The following STK24 variants were observed in gnomAD, a reference collection of about 807,000 sequenced individuals.
STK24 encodes serine/threonine-protein kinase 24.
Under a neutral mutation model 55.6 loss-of-function variants are expected in STK24, and 21 were observed. The ratio of observed to expected loss-of-function variants is 0.38; its 90% CI spans 0.27 to 0.54. The LOEUF (loss-of-function observed/expected upper bound fraction) is 0.54, where lower values mean the gene tolerates loss of function less well. STK24 is among the 20% of genes least tolerant of loss of function. The pLI is 0.79. For missense variants in STK24, 383 were observed against 538.4 expected, an observed-to-expected ratio of 0.71 and a Z score of 2.86; for synonymous variants, 200 against 215.2, an observed-to-expected ratio of 0.93 and a Z score of 0.62.
intron 1 of STK24, among the ~76,000 whole-genome samples, chr13:98,522,644 G>A (rs1319443672): frequency 1.6e-4 from 24 of 152,200 alleles, no homozygotes. Flanking sequence ...TTCCCCTGCT[G>A]GACTGTCCTC....
intron 2 of STK24, among the ~76,000 whole-genome samples, chr13:98,503,024 G>GT (rs398038978): frequency 0.32 from 34,477 of 106,950 alleles, 6,786 homozygotes; most frequent in East Asian, 0.46. Context: ...CTTTCCATGT[G>GT]TTTTTTTTTT....
At chr13:98,514,618 C>T (rs1027569546) in intron 2 of STK24, among the ~76,000 whole-genome samples, 1 of 152,174 alleles carries the variant, frequency 6.6e-6, no homozygotes, top group African/African-American at 2.4e-5. Flanking sequence ...AATGAGACAA[C>T]AGGGCATGTT....
chr13:98,492,299 T>C (rs2139325513), intron 2 of STK24, among the ~76,000 whole-genome samples: 1 of 152,202 alleles, frequency 6.6e-6, no homozygotes, highest in South Asian at 2.1e-4. Flanking sequence ...TGAGAACTCC[T>C]AGAAAGTGGG....
intron 10 of STK24, 164 bp downstream of exon 10, chr13:98,457,004 T>C (rs1238043395): frequency 3.5e-6 from 3 of 852,480 alleles, no homozygotes; most frequent in Non-Finnish European, 5.2e-6. Context: ...CATTGATTTC[T>C]AGAATTCAGA....
At chr13:98,499,169 C>T (rs1335486292) in intron 2 of STK24, among the ~76,000 whole-genome samples, 2 of 151,904 alleles carry the variant, frequency 1.3e-5, no homozygotes, top group African/African-American at 4.8e-5. Flanking sequence ...ACCCAGGAGG[C>T]GGACGTTGCA....
intron 1 of STK24, among the ~76,000 whole-genome samples, chr13:98,521,339 C>A (rs964353452): frequency 1.3e-5 from 2 of 152,150 alleles, no homozygotes; most frequent in African/African-American, 4.8e-5. Context: ...TGTCTTATGA[C>A]GGTCATACTT....
chr13:98,565,711 G>C (rs1174039706), intron 1 of STK24, among the ~76,000 whole-genome samples: 2 of 151,980 alleles, frequency 1.3e-5, no homozygotes, highest in African/African-American at 4.8e-5. Flanking sequence ...AACACAGTCT[G>C]GGCAACACCT....
intron 1 of STK24, among the ~76,000 whole-genome samples, chr13:98,552,988 G>C (rs192947916): frequency 1.2e-4 from 19 of 152,138 alleles, no homozygotes; most frequent in African/African-American, 4.1e-4. Flanking sequence ...TGTCAACGCA[G>C]GCTCATCAGC....
chr13:98,513,138 GAC>G (rs1432061246), intron 2 of STK24, among the ~76,000 whole-genome samples: 3 of 152,172 alleles, frequency 2.0e-5, no homozygotes, highest in African/African-American at 7.2e-5. Flanking sequence ...ACGCAGGGTG[GAC>G]ACACTGCCCC....
At chr13:98,572,972 C>G (rs1897781118) in intron 1 of STK24, among the ~76,000 whole-genome samples, 1 of 152,172 alleles carries the variant, frequency 6.6e-6, no homozygotes, top group Non-Finnish European at 1.5e-5. Context: ...GGCTGAGCAT[C>G]CCTGATCCAA....
At chr13:98,488,145 A>G (rs1315096746) in intron 2 of STK24, among the ~76,000 whole-genome samples, 5 of 145,470 alleles carry the variant, frequency 3.4e-5, no homozygotes, top group Non-Finnish European at 7.5e-5. Flanking sequence ...GGCTGGTGTC[A>G]TAAAAAGAGA....
chr13:98,519,995 C>A (rs3858778), intron 1 of STK24, among the ~76,000 whole-genome samples: 38,599 of 152,070 alleles, frequency 0.25, 5,831 homozygotes, highest in East Asian at 0.42. Context: ...AAAACAATAA[C>A]AATCTAACCA....
At chr13:98,516,660 C>T (rs564844916) in intron 2 of STK24, among the ~76,000 whole-genome samples, 7 of 152,308 alleles carry the variant, frequency 4.6e-5, no homozygotes, top group African/African-American at 9.6e-5. Flanking sequence ...TCTCCCCCAA[C>T]GCTGACTTAT....
intron 10 of STK24, chr13:98,455,313 C>A (rs1006098086): frequency 2.6e-5 from 4 of 152,200 alleles, no homozygotes; most frequent in African/African-American, 9.7e-5. Context: ...AACGTGATCA[C>A]AGCCATAGCC....
At chr13:98,469,600 C>T (rs1177883511) in intron 5 of STK24, among the ~76,000 whole-genome samples, 2 of 151,844 alleles carry the variant, frequency 1.3e-5, no homozygotes, top group South Asian at 2.1e-4. Flanking sequence ...GCCAGGGACA[C>T]GAGGGTCACC....
chr13:98,570,761 C>G (rs1897718810), intron 1 of STK24, among the ~76,000 whole-genome samples: 1 of 152,208 alleles, frequency 6.6e-6, no homozygotes, highest in Non-Finnish European at 1.5e-5. Context: ...GATTAAGAAA[C>G]TCCATAGTCA....
intron 2 of STK24, 140 bp downstream of exon 2, chr13:98,519,103 T>C: frequency 6.1e-6 from 4 of 654,802 alleles, no homozygotes; most frequent in Non-Finnish European, 1.1e-5. Flanking sequence ...CAAAGCCAGG[T>C]TCTTTTGATC....
chr13:98,472,336 G>A (rs144996448), intron 5 of STK24, among the ~76,000 whole-genome samples: 2 of 152,186 alleles, frequency 1.3e-5, no homozygotes, highest in Admixed American at 1.3e-4. Context: ...CCAGTTCAGA[G>A]TTGGAACTGG....
intron 1 of STK24, among the ~76,000 whole-genome samples, chr13:98,572,331 C>T (rs1203655891): frequency 1.3e-5 from 2 of 152,134 alleles, no homozygotes; most frequent in Non-Finnish European, 2.9e-5. Flanking sequence ...ACCCACGTCT[C>T]GGATGTCCTG....
Sources: gnomAD v4.1 joint callset for allele counts (sites outside exome capture counted in the v4.1 genomes callset) on GRCh38, gnomAD v4.1.1 for gene constraint, MANE v1.5 for transcripts, NCBI Gene and HGNC (gene_info 2026-07-23, HGNC 2026-07-21) for gene names.